Variants in SLC24A2 observed in about 807,000 individuals in gnomAD.
SLC24A2 encodes solute carrier family 24 member 2.
A neutral mutation model predicts 62.0 loss-of-function variants in SLC24A2; 36 were observed. The observed-to-expected ratio is 0.58, with a 90% CI of 0.44 to 0.77. The LOEUF is 0.77. Ranked by LOEUF, SLC24A2 falls within the 30% of genes least tolerant of loss-of-function variation. The pLI is 0.00. For missense variants in SLC24A2, 846 were observed against 817.9 expected (o/e 1.03, Z -0.42); for synonymous variants, 358 against 294.0 (o/e 1.22, Z -2.23).
chr9:19,870,041 A>C, the SLC24A2 span, among the ~76,000 whole-genome samples: 2 of 152,236 alleles, frequency 1.3e-5, no homozygotes, highest in East Asian at 3.8e-4. Context: ...ATCACATAAT[A>C]TAACACTCTG....
At chr9:19,542,854 A>T (rs1237604227) in intron 8 of SLC24A2, among the ~76,000 whole-genome samples, 1 of 151,906 alleles carries the variant, frequency 6.6e-6, no homozygotes, top group Non-Finnish European at 1.5e-5. Context: ...TTTATTGGGG[A>T]TTTTCGCATC....
At chr9:20,260,847 TTC>T in the SLC24A2 span, among the ~76,000 whole-genome samples, 1 of 138,292 alleles carries the variant, frequency 7.2e-6, no homozygotes. Context: ...GTATCATTCT[TTC>T]TTTTTTTTTT....
At chr9:19,714,190 G>A (rs1019065480) in intron 2 of SLC24A2, among the ~76,000 whole-genome samples, 9 of 152,076 alleles carry the variant, frequency 5.9e-5, no homozygotes, top group Admixed American at 2.0e-4. Context: ...GGAACTCTGC[G>A]TGTGTGTGTG....
At chr9:20,173,930 C>T in the SLC24A2 span, among the ~76,000 whole-genome samples, 2 of 152,122 alleles carry the variant, frequency 1.3e-5, no homozygotes, top group East Asian at 3.9e-4. Flanking sequence ...GGAGGCATCA[C>T]ATTATGTAAT....
chr9:19,988,749 T>C, the SLC24A2 span, among the ~76,000 whole-genome samples: 4 of 152,188 alleles, frequency 2.6e-5, no homozygotes, highest in South Asian at 8.3e-4. Flanking sequence ...AGAAACACGT[T>C]GACACACACA....
chr9:19,576,984 C>T lies in SLC24A2; in HGVS notation c.1168G>A (p.Ala390Thr), dbSNP rs773571413. ...TCATCCACATGACATTTCTTCTTGG[C>T]GATCTTGTGGAGAATTGAAGCCTTT... ...REKASILHKIAKKKCHVDENE... is the reference protein window; with the variant it reads ...REKASILHKITKKKCHVDENE... Residue 390 changes from alanine (A) to threonine (T), a missense_variant, in exon 6 of 11, where the codon GCC becomes ACC. Coordinates refer to ENST00000341998, the MANE Select transcript of SLC24A2 (RefSeq NM_020344.4). 11 of 1,613,992 alleles carry T rather than the reference C, an allele frequency of 6.8e-6. No individual in the cohort carries two copies. Among genetic ancestry groups the T allele is most frequent in the African/African-American group, 1.3e-5 (1 of 74,914 alleles).
chr9:20,199,548 T>A, the SLC24A2 span, among the ~76,000 whole-genome samples: 2 of 152,174 alleles, frequency 1.3e-5, no homozygotes, highest in African/African-American at 2.4e-5. Context: ...TGGGAGAATC[T>A]CTATTAACTA....
chr9:20,155,124 C>G, the SLC24A2 span, among the ~76,000 whole-genome samples: 3 of 130,926 alleles, frequency 2.3e-5, no homozygotes, highest in Admixed American at 7.8e-5. Context: ...GGTCTCTGCC[C>G]AACTGGAAAA....
At chr9:19,646,143 C>A (rs1428588147) in intron 2 of SLC24A2, among the ~76,000 whole-genome samples, 1 of 152,216 alleles carries the variant, frequency 6.6e-6, no homozygotes, top group Admixed American at 6.5e-5. Flanking sequence ...CACAGCTAAT[C>A]AGAATGCAAG....
intron 9 of SLC24A2, among the ~76,000 whole-genome samples, chr9:19,522,524 AG>A (rs1833251867): frequency 6.6e-6 from 1 of 152,240 alleles, no homozygotes; most frequent in African/African-American, 2.4e-5. Flanking sequence ...TATTTTTATA[AG>A]AAATAGTATG....
chr9:19,951,113 C>G, the SLC24A2 span, among the ~76,000 whole-genome samples: 1 of 152,124 alleles, frequency 6.6e-6, no homozygotes. Flanking sequence ...CAGGAAGTAT[C>G]ACTTCATCAT....
chr9:20,100,394 C>T, the SLC24A2 span, among the ~76,000 whole-genome samples: 16 of 152,138 alleles, frequency 1.1e-4, no homozygotes, highest in Admixed American at 7.2e-4. Flanking sequence ...GCTTAAATAT[C>T]TCTTTCTCAG....
intron 2 of SLC24A2, among the ~76,000 whole-genome samples, chr9:19,669,057 A>G (rs1461257687): frequency 6.6e-6 from 1 of 152,166 alleles, no homozygotes; most frequent in East Asian, 1.9e-4. Flanking sequence ...CTGATCAGGT[A>G]TTTGGCTAAA....
chr9:19,911,309 G>A, the SLC24A2 span, among the ~76,000 whole-genome samples: 2 of 151,976 alleles, frequency 1.3e-5, no homozygotes, highest in Non-Finnish European at 2.9e-5. Flanking sequence ...TCTTAATCCA[G>A]TCTATCGTTG....
At chr9:20,012,038 A>T in the SLC24A2 span, among the ~76,000 whole-genome samples, 1 of 152,244 alleles carries the variant, frequency 6.6e-6, no homozygotes, top group East Asian at 1.9e-4. Context: ...AATTTACTCA[A>T]CATAAACAAT....
Position 19,515,210 on chromosome 9 carries a change from C to G in SLC24A2, c.*943G>C, listed in dbSNP as rs1171591136. On this transcript the variant is annotated 3_prime_UTR_variant, in exon 11 of 11. Transcript: ENST00000341998. ...AAAAAGCACTAATTTGGTTTGTAGT[C>G]ATATTTTCTACTTGCATGCTGGGAC... is the stretch of plus-strand genomic sequence containing the variant. 1 of 152,088 alleles carries G rather than the reference C, an allele frequency of 6.6e-6. No homozygotes were observed. The highest frequency in any genetic ancestry group is 1.5e-5 in the Non-Finnish European group (1 of 68,016). The allele number at this position is 152,088 out of a possible 1,614,324, so 9.4% of individuals were successfully genotyped here.
intron 4 of SLC24A2, among the ~76,000 whole-genome samples, chr9:19,600,785 G>A (rs1353746897): frequency 3.3e-5 from 5 of 152,174 alleles, no homozygotes; most frequent in African/African-American, 1.2e-4. Context: ...GATCAAGCAA[G>A]AAAAATGGGA....
chr9:20,262,569 G>C, the SLC24A2 span, among the ~76,000 whole-genome samples: 1 of 152,196 alleles, frequency 6.6e-6, no homozygotes, highest in Non-Finnish European at 1.5e-5. Flanking sequence ...ATTTACCTCA[G>C]TACAGCCCAG....
At position 19,573,445 on chromosome 9, in the gene SLC24A2, G is replaced by C; in HGVS notation, c.1253C>G (p.Thr418Ser). Residue 418 changes from threonine (T) to serine (S), a missense_variant, in exon 7 of 11, where the codon ACC becomes AGC. Thr to Ser is a moderately conservative substitution (Grantham distance 58, BLOSUM62 1). Coordinates refer to ENST00000341998, the MANE Select transcript of SLC24A2 (RefSeq NM_020344.4). ...TGGTGTCATTTCAACATCTGTGCTG[G>C]TGCTGTTTGGAAGCTCAATTTTTTC... ...HVEKIELPNS[T>S]STDVEMTPSS... The C allele has an allele frequency of 1.9e-6, 3 of 1,610,372 alleles. No individual in the cohort carries two copies. The highest frequency in any genetic ancestry group is 1.3e-5 in the African/African-American group (1 of 74,610).
Sources: gnomAD v4.1 joint callset for allele counts (sites outside exome capture counted in the v4.1 genomes callset) on GRCh38, gnomAD v4.1.1 for gene constraint, MANE v1.5 for transcripts, NCBI Gene and HGNC (gene_info 2026-07-23, HGNC 2026-07-21) for gene names.